Variants in SLC9C2 observed in about 807,000 individuals in gnomAD.
SLC9C2 encodes the protein solute carrier family 9 member C2 (putative), also known as sodium/hydrogen exchanger 11.
In SLC9C2, 75 loss-of-function variants were observed where a neutral mutation model predicts 140.2. The ratio of observed to expected loss-of-function variants is 0.53; its 90% CI spans 0.44 to 0.65. The LOEUF (loss-of-function observed/expected upper bound fraction) is 0.65. Ranked by LOEUF, SLC9C2 falls within the 30% of genes least tolerant of loss-of-function variation. The pLI, the probability that SLC9C2 is intolerant of heterozygous loss-of-function variation, is 0.00. For synonymous variants in SLC9C2, 375 were observed against 420.9 expected, an observed-to-expected ratio of 0.89 and a Z score of 1.34; for missense variants, 1,074 against 1,331.8, an observed-to-expected ratio of 0.81 and a Z score of 3.01.
chr1:173,524,741 G>C, intron 20 of SLC9C2, 38 bp downstream of exon 20: 1 of 1,607,118 alleles, frequency 6.2e-7, no homozygotes, highest in Non-Finnish European at 8.5e-7. Flanking sequence ...TAACCATGAA[G>C]GCTGGGGTGT....
At chr1:173,579,916 A>G (rs1266930303) in intron 7 of SLC9C2, among the ~76,000 whole-genome samples, 1 of 152,190 alleles carries the variant, frequency 6.6e-6, no homozygotes, top group Non-Finnish European at 1.5e-5. Flanking sequence ...CAATTCATAC[A>G]CATCTGGTTA....
At chr1:173,556,008 T>C (rs974589713) in intron 10 of SLC9C2, among the ~76,000 whole-genome samples, 2 of 152,078 alleles carry the variant, frequency 1.3e-5, no homozygotes, top group Non-Finnish European at 2.9e-5. Flanking sequence ...AGCAGCAAAA[T>C]AGTAAAGAGA....
intron 9 of SLC9C2, among the ~76,000 whole-genome samples, 194 bp downstream of exon 9, chr1:173,572,988 T>C (rs1664934289): frequency 6.6e-6 from 1 of 152,170 alleles, no homozygotes; most frequent in Non-Finnish European, 1.5e-5. Flanking sequence ...TCCCTCTCAT[T>C]TTATGGATAA....
At chr1:173,592,950 C>A (rs1666250826) in intron 4 of SLC9C2, among the ~76,000 whole-genome samples, 2 of 152,164 alleles carry the variant, frequency 1.3e-5, no homozygotes, top group African/African-American at 4.8e-5. Context: ...AAAAAATCTT[C>A]AACCAAGAAT....
At chr1:173,590,784 C>A (rs928695105) in intron 4 of SLC9C2, among the ~76,000 whole-genome samples, 1 of 152,198 alleles carries the variant, frequency 6.6e-6, no homozygotes, top group Non-Finnish European at 1.5e-5. Context: ...AGGGATGATT[C>A]ACTTCCTGGG....
At chr1:173,543,979 T>C (rs1416250327) in intron 13 of SLC9C2, among the ~76,000 whole-genome samples, 1 of 152,106 alleles carries the variant, frequency 6.6e-6, no homozygotes, top group Non-Finnish European at 1.5e-5. Flanking sequence ...CCAAAAGCAA[T>C]GGCAATAAAA....
Position 173,583,599 on chromosome 1 carries a change from G to A in SLC9C2, c.547C>T (p.Leu183Phe). 2 of 1,569,776 alleles carry A rather than the reference G, an allele frequency of 1.3e-6. No homozygotes were observed. The highest frequency in any genetic ancestry group is 1.7e-4 in the Middle Eastern group (1 of 5,908). ...TIGISKIYID[L>F]IRGESLIICS... ...ATGATCAATGATTCTCCTCTAATGA[G>A]ATCAATGTATATTTTAGAAATGCCT... is the stretch of plus-strand genomic sequence containing the variant. Residue 183 changes from leucine to phenylalanine, a missense_variant, in exon 6 of 28, where the codon CTC becomes TTC. Transcript: ENST00000367714.
chr1:173,573,144 C>A, intron 9 of SLC9C2, 38 bp downstream of exon 9: 1 of 1,399,600 alleles, frequency 7.1e-7, no homozygotes, highest in South Asian at 1.4e-5. Context: ...CCTTGAGAAT[C>A]TCAGTTTAGT....
intron 11 of SLC9C2, among the ~76,000 whole-genome samples, chr1:173,550,432 A>AT (rs1294841800): frequency 8.2e-6 from 1 of 121,728 alleles, no homozygotes; most frequent in African/African-American, 4.0e-5. Flanking sequence ...TTATTTATTT[A>AT]TTTATTTATT....
chr1:173,534,360 A>C (rs1256755255), intron 16 of SLC9C2, 124 bp downstream of exon 16: 2 of 1,014,656 alleles, frequency 2.0e-6, no homozygotes, highest in Non-Finnish European at 2.7e-6. Context: ...CTAAAATTCT[A>C]GGATCTCATC....
intron 11 of SLC9C2, among the ~76,000 whole-genome samples, chr1:173,548,827 C>T (rs1264128448): frequency 1.3e-5 from 2 of 152,148 alleles, no homozygotes; most frequent in South Asian, 2.1e-4. Context: ...ACTACTTCAA[C>T]GCACCTAATC....
At chr1:173,596,596 C>A (rs1666466125) in intron 4 of SLC9C2, 1 of 152,070 alleles carries the variant, frequency 6.6e-6, no homozygotes, top group Admixed American at 6.5e-5. Context: ...CTGTTCAAAT[C>A]TTTTCTCTTC....
intron 9 of SLC9C2, among the ~76,000 whole-genome samples, chr1:173,572,936 C>T (rs1455852950): frequency 1.3e-5 from 2 of 152,130 alleles, no homozygotes; most frequent in East Asian, 3.9e-4. Flanking sequence ...TTGAGATGGG[C>T]TCATGAATAT....
At chr1:173,589,114 A>T (rs1235434629) in intron 4 of SLC9C2, among the ~76,000 whole-genome samples, 1 of 152,046 alleles carries the variant, frequency 6.6e-6, no homozygotes, top group Non-Finnish European at 1.5e-5. Flanking sequence ...TTCCTCTTTT[A>T]CTCTTGTCTG....
intron 13 of SLC9C2, among the ~76,000 whole-genome samples, chr1:173,544,293 C>G (rs527497654): frequency 9.9e-5 from 15 of 152,256 alleles, no homozygotes; most frequent in Admixed American, 8.5e-4. Flanking sequence ...AAATGCAAAT[C>G]AAAACCACAA....
intron 18 of SLC9C2, among the ~76,000 whole-genome samples, chr1:173,527,379 C>T (rs938099848): frequency 1.3e-5 from 2 of 152,108 alleles, no homozygotes; most frequent in Non-Finnish European, 2.9e-5. Flanking sequence ...ATTCTCATAG[C>T]GCCTCATTTG....
chr1:173,600,941 T>C (rs1182607275), intron 2 of SLC9C2, among the ~76,000 whole-genome samples: 1 of 152,212 alleles, frequency 6.6e-6, no homozygotes, highest in African/African-American at 2.4e-5. Flanking sequence ...AAAGCAGCTA[T>C]TTTTCCTTTT....
Position 173,548,658 on chromosome 1 carries a change from A to T in SLC9C2, c.1298-106T>A, listed in dbSNP as rs914548048. The stretch of plus-strand genomic sequence containing the variant: ...GTAGTGAAATCTTGAGATCACCTGC[A>T]AACCAGAGTGGTTAGAGCAAGGACA... On this transcript the variant is annotated intron_variant, in intron 11 of 27. Transcript: ENST00000367714. 20 of 1,237,218 alleles carry T rather than the reference A, an allele frequency of 1.6e-5. No homozygotes were observed. In the African/African-American group the frequency reaches 2.7e-4, roughly 17 times the overall value. 76.6% of individuals were successfully genotyped at this position (1,237,218 alleles called of 1,614,324 possible). A position where few individuals can be genotyped will look rare whatever the true frequency, so the allele number is the denominator to read the frequency against.
intron 21 of SLC9C2, among the ~76,000 whole-genome samples, chr1:173,523,075 G>T (rs772000472): frequency 2.8e-4 from 42 of 152,276 alleles, no homozygotes; most frequent in South Asian, 2.5e-3. Context: ...AAAAGCTTTT[G>T]AAAGCAGGGA....
Sources: allele counts gnomAD v4.1 joint callset (sites outside exome capture counted in the v4.1 genomes callset), GRCh38; gene constraint gnomAD v4.1.1; transcripts MANE v1.5; gene names NCBI Gene and HGNC (gene_info 2026-07-23, HGNC 2026-07-21).